The following DST variants were observed in gnomAD, a reference collection of about 807,000 sequenced individuals.
The protein encoded by DST is bullous pemphigoid antigen.
In DST, 253 loss-of-function variants were observed where a neutral mutation model predicts 875.2. The observed-to-expected ratio is 0.29, with a 90% CI of 0.26 to 0.32. The LOEUF is 0.32. Among genes scored for constraint, DST ranks in the 10% least tolerant of loss-of-function variants. DST has a pLI of 1.00. For synonymous variants in DST, 3,124 were observed against 3,197.1 expected, an observed-to-expected ratio of 0.98 and a Z score of 0.77; for missense variants, 8,287 against 9,111.6, an observed-to-expected ratio of 0.91 and a Z score of 3.68.
intron 68 of DST, 59 bp downstream of exon 68, chr6:56,527,434 G>A: frequency 6.5e-7 from 1 of 1,545,996 alleles, no homozygotes; most frequent in Non-Finnish European, 8.7e-7. Context: ...TTATTTTTGT[G>A]TGAATAAGAC....
intron 4 of DST, among the ~76,000 whole-genome samples, chr6:56,828,310 C>T (rs186149766): frequency 3.2e-4 from 48 of 152,246 alleles, no homozygotes; most frequent in South Asian, 2.1e-3. Flanking sequence ...GTTATAATGC[C>T]GATTTATATT....
rs113851676 is a variant in DST at position 56,636,426 on chromosome 6, G to GTA, written c.3060+129_3060+130dup. The GTA allele has an allele frequency of 2.1e-3, 1,460 of 695,654 alleles. 11 individuals carry two copies. The highest frequency in any genetic ancestry group is 0.018 in the African/African-American group (979 of 55,690). 43.1% of individuals were successfully genotyped at this position (695,654 alleles called of 1,614,324 possible). On this transcript the variant is annotated intron_variant, in intron 23 of 103. Coordinates refer to ENST00000680361, the MANE Select transcript of DST (RefSeq NM_001374736.1). Reference sequence around the variant, plus strand: ...TGTATATATATACACACATATATGTGTATATATATATGTGTGTATATATAT... The same window carrying GTA: ...TGTATATATATACACACATATATGTGTATATATATATATGTGTGTATATATAT...
rs768752209 is a variant in DST at position 56,632,891 on chromosome 6, C to T, written c.3768G>A (p.Lys1256=). Residue 1256 remains lysine (K), a synonymous_variant, in exon 28 of 104, where the codon AAG becomes AAA. Coordinates refer to ENST00000680361, the MANE Select transcript of DST (RefSeq NM_001374736.1). ...ATTTAAGAAGTTCTTGATAATACTG[C>T]TTACATACATTAACCTCCTTTTCCA... ...TQLEKEVNVC[K]QYYQELLKSA... The T allele has an allele frequency of 6.2e-7, 1 of 1,613,960 alleles. No individual in the cohort carries two copies.
At chr6:56,799,041 T>C (rs1013320305) in intron 4 of DST, among the ~76,000 whole-genome samples, 72 of 152,330 alleles carry the variant, frequency 4.7e-4, no homozygotes, top group African/African-American at 1.7e-3. Flanking sequence ...AGTGGTTTCT[T>C]GAGGCAGAAT....
intron 49 of DST, among the ~76,000 whole-genome samples, chr6:56,581,441 C>T (rs529650523): frequency 3.3e-5 from 5 of 152,184 alleles, no homozygotes; most frequent in South Asian, 2.1e-4. Flanking sequence ...TCAACTGCTT[C>T]GGAAAGGATA....
chr6:56,852,757 T>C (rs2127579998), intron 3 of DST, among the ~76,000 whole-genome samples: 1 of 152,354 alleles, frequency 6.6e-6, no homozygotes, highest in Admixed American at 6.5e-5. Context: ...AAAACTGGTA[T>C]AACTCGAATT....
In DST at chr6:56,501,152, C is replaced by G; in HGVS notation, c.19824G>C (p.Glu6608Asp). Residue 6608 changes from glutamate to aspartate, a missense_variant, in exon 80 of 104, where the codon GAG becomes GAC. By Grantham distance (45) the Glu-to-Asp change is conservative. This residue lies in a region of DST where 1,292 missense variants were observed against 1,552.7 expected (regional missense o/e 0.83). Transcript: ENST00000680361. ...DELLAWLTHT[E>D]GLLSEQKPVG... ...CAGGTTTCTGCTCACTTAGCAAGCC[C>G]TCGGTGTGTGTCAGCCATGCCAGGA... is the stretch of plus-strand genomic sequence containing the variant. 2 of 1,612,712 alleles carry G rather than the reference C, an allele frequency of 1.2e-6. No individual in the cohort carries two copies. Among genetic ancestry groups the G allele is most frequent in the Non-Finnish European group, 1.7e-6 (2 of 1,179,238 alleles).
chr6:56,861,144 C>T (rs1391135828), intron 3 of DST, among the ~76,000 whole-genome samples: 2 of 151,260 alleles, frequency 1.3e-5, no homozygotes, highest in Non-Finnish European at 2.9e-5. Context: ...AGCTTTTACA[C>T]ACTTACTCTT....
chr6:56,606,186 TTCA>T lies in DST; in HGVS notation c.8439_8441del (p.Asp2813del). On this transcript the variant is annotated inframe_deletion, in exon 40 of 104. Transcript: ENST00000680361. ...TCTCATCTCTTATACCTCCTCCTTC[TTCA>T]TCAATGCCATCATCATCATCGTCAT... 6.3e-7 allele frequency: 1 copy of T among 1,588,006 alleles called. No homozygotes were observed. Among genetic ancestry groups the T allele is most frequent in the Non-Finnish European group, 8.6e-7 (1 of 1,164,844 alleles).
At chr6:56,828,315 T>G (rs2099783208) in intron 4 of DST, among the ~76,000 whole-genome samples, 1 of 152,242 alleles carries the variant, frequency 6.6e-6, no homozygotes, top group Admixed American at 6.5e-5. Flanking sequence ...AATGCCGATT[T>G]ATATTAGTCT....
chr6:56,738,463 G>A (rs939767739), intron 4 of DST, among the ~76,000 whole-genome samples: 4 of 152,124 alleles, frequency 2.6e-5, no homozygotes, highest in Non-Finnish European at 5.9e-5. Context: ...TGGGACTACA[G>A]GCATGTGCCA....
intron 98 of DST, 146 bp from the exon 99 acceptor site, chr6:56,466,341 T>G (rs1307396873): frequency 2.0e-6 from 1 of 490,600 alleles, no homozygotes; most frequent in African/African-American, 1.9e-5. Context: ...AAAGGGGGTT[T>G]GTAATGATTT....
At chr6:56,546,347 C>CATATATATATAT (rs10617867) in intron 61 of DST, among the ~76,000 whole-genome samples, 26 of 72,638 alleles carry the variant, frequency 3.6e-4, no homozygotes, top group South Asian at 1.3e-3. Flanking sequence ...ATACATATTT[C>CATATATATATAT]ATATATATAT....
intron 9 of DST, among the ~76,000 whole-genome samples, chr6:56,673,405 A>C (rs1010550750): frequency 3.3e-5 from 5 of 152,232 alleles, no homozygotes; most frequent in African/African-American, 1.2e-4. Context: ...AATGACAGAT[A>C]GAAATGGTAG....
intron 2 of DST, among the ~76,000 whole-genome samples, chr6:56,915,708 T>C (rs987459773): frequency 2.0e-4 from 30 of 152,302 alleles, no homozygotes; most frequent in African/African-American, 6.7e-4. Flanking sequence ...AAATCAGTCT[T>C]TGGAGACAAA....
intron 55 of DST, among the ~76,000 whole-genome samples, chr6:56,566,641 T>G (rs1198418924): frequency 6.6e-6 from 1 of 152,210 alleles, no homozygotes; most frequent in Non-Finnish European, 1.5e-5. Flanking sequence ...CTGTTCCTAT[T>G]CAGCCATCTT....
chr6:56,551,300 T>C (rs1024526966), intron 61 of DST, among the ~76,000 whole-genome samples: 4 of 152,218 alleles, frequency 2.6e-5, no homozygotes, highest in African/African-American at 9.6e-5. Context: ...GGTCTTAGTT[T>C]ATTCTTTATG....
chr6:56,561,702 A>C (rs1490815456), intron 56 of DST, among the ~76,000 whole-genome samples, 153 bp from the exon 57 acceptor site: 1 of 152,200 alleles, frequency 6.6e-6, no homozygotes, highest in Non-Finnish European at 1.5e-5. Context: ...CAGAAATAAA[A>C]GTTTGGATCA....
chr6:56,685,696 G>C (rs561197415), intron 9 of DST, among the ~76,000 whole-genome samples: 1 of 152,062 alleles, frequency 6.6e-6, no homozygotes. Flanking sequence ...CACTTGAAGA[G>C]CAGAGATCAC....
Sources: allele counts gnomAD v4.1 joint callset (sites outside exome capture counted in the v4.1 genomes callset), GRCh38; gene constraint gnomAD v4.1.1; regional missense constraint gnomAD v4.1.1; transcripts MANE v1.5; gene names NCBI Gene and HGNC (gene_info 2026-07-23, HGNC 2026-07-21).